The following CNBD1 variants were observed in gnomAD, a reference collection of about 807,000 sequenced individuals.
CNBD1 encodes cyclic nucleotide binding domain containing 1, also known as cyclic nucleotide-binding domain-containing protein 1.
Under a neutral mutation model 54.4 loss-of-function variants are expected in CNBD1, and 71 were observed. The ratio of observed to expected loss-of-function variants is 1.30; its 90% CI spans 1.08 to 1.59. CNBD1 has a LOEUF of 1.59. Ranked by LOEUF, CNBD1 falls within the 40% of genes most tolerant of loss-of-function variation. The pLI is 0.00. For missense variants in CNBD1, 659 were observed against 518.0 expected (o/e 1.27, Z -2.64); for synonymous variants, 182 against 170.7 (o/e 1.07, Z -0.51).
chr8:87,282,274 C>A (rs1048760462), intron 6 of CNBD1, among the ~76,000 whole-genome samples: 10 of 151,718 alleles, frequency 6.6e-5, no homozygotes, highest in African/African-American at 2.2e-4. Flanking sequence ...CAATTTAAAT[C>A]TCTCTTATTT....
chr8:86,881,717 T>C (rs1177014304), intron 1 of CNBD1, among the ~76,000 whole-genome samples: 1 of 152,116 alleles, frequency 6.6e-6, no homozygotes, highest in East Asian at 1.9e-4. Context: ...CAGGCAATCT[T>C]AAGCAAAAAG....
chr8:87,330,755 G>C (rs369730816), intron 8 of CNBD1, among the ~76,000 whole-genome samples: 1 of 152,130 alleles, frequency 6.6e-6, no homozygotes, highest in Non-Finnish European at 1.5e-5. Flanking sequence ...TATGTATGCT[G>C]CTGTTAATGG....
intron 5 of CNBD1, among the ~76,000 whole-genome samples, chr8:87,217,424 C>T (rs1814235590): frequency 6.6e-6 from 1 of 151,876 alleles, no homozygotes; most frequent in Non-Finnish European, 1.5e-5. Context: ...TGTGGTATGA[C>T]TTAATATTAG....
chr8:87,051,325 C>T (rs966030742), intron 4 of CNBD1, among the ~76,000 whole-genome samples: 1 of 152,130 alleles, frequency 6.6e-6, no homozygotes, highest in African/African-American at 2.4e-5. Flanking sequence ...CCAGAATCAC[C>T]CAGGGCTCCT....
intron 4 of CNBD1, among the ~76,000 whole-genome samples, chr8:87,106,089 A>G (rs748703110): frequency 5.3e-5 from 8 of 151,804 alleles, no homozygotes; most frequent in Non-Finnish European, 1.0e-4. Flanking sequence ...AGTGATTTCT[A>G]CTTTTAGTAT....
At chr8:86,942,924 T>C (rs1021511440) in intron 4 of CNBD1, among the ~76,000 whole-genome samples, 1 of 152,228 alleles carries the variant, frequency 6.6e-6, no homozygotes, top group Non-Finnish European at 1.5e-5. Context: ...CTGTGGCCTT[T>C]TGTTTATCTC....
intron 4 of CNBD1, among the ~76,000 whole-genome samples, chr8:87,113,694 C>T (rs530528982): frequency 2.4e-4 from 36 of 152,010 alleles, no homozygotes; most frequent in Non-Finnish European, 4.3e-4. Context: ...CCCAGGCGGG[C>T]GGATCATGAG....
intron 4 of CNBD1, among the ~76,000 whole-genome samples, chr8:87,001,239 G>A (rs1242344722): frequency 6.6e-6 from 1 of 151,980 alleles, no homozygotes; most frequent in Non-Finnish European, 1.5e-5. Context: ...TCTTAGGTCT[G>A]CAGTGTCTCC....
intron 4 of CNBD1, among the ~76,000 whole-genome samples, chr8:87,010,990 G>T (rs1486906703): frequency 6.6e-6 from 1 of 152,052 alleles, no homozygotes; most frequent in Non-Finnish European, 1.5e-5. Flanking sequence ...CTGGATGATG[G>T]TATCTTCCTT....
rs116590039 is a variant in CNBD1, at chr8:87,033,244, C to T, written c.431+93490C>T. On this transcript the variant is annotated intron_variant, in intron 4 of 10. Transcript: ENST00000518476. ...AGTACCATGTGTAATAAGCCTTAAA[C>T]GTCCTGATGAGCCCCTTGATCTAAA... Among the ~76,000 whole-genome samples the T allele has an allele frequency of 9.8e-3, 1,490 of 152,208 alleles. 27 individuals are homozygous for T. The highest frequency in any genetic ancestry group is 0.034 in the African/African-American group (1,412 of 41,520).
chr8:86,935,312 A>C (rs1238128610), intron 3 of CNBD1, among the ~76,000 whole-genome samples: 2 of 152,214 alleles, frequency 1.3e-5, no homozygotes, highest in Non-Finnish European at 2.9e-5. Flanking sequence ...CTGGGATTAC[A>C]GGCATGAGCC....
chr8:86,982,900 C>T (rs113714414), intron 4 of CNBD1, among the ~76,000 whole-genome samples: 20 of 152,228 alleles, frequency 1.3e-4, no homozygotes, highest in Admixed American at 3.9e-4. Flanking sequence ...CAAAGCTAAT[C>T]CATTAGCATA....
intron 2 of CNBD1, among the ~76,000 whole-genome samples, chr8:87,404,358 TG>T (rs1807618766): frequency 6.6e-6 from 1 of 152,092 alleles, no homozygotes; most frequent in Admixed American, 6.6e-5. Context: ...GTTGGTGCTT[TG>T]ATACTTAAAA....
At chr8:87,379,411 A>T (rs979040937) in intron 10 of CNBD1, among the ~76,000 whole-genome samples, 4 of 151,880 alleles carry the variant, frequency 2.6e-5, no homozygotes, top group African/African-American at 7.3e-5. Flanking sequence ...TCTCCACCCC[A>T]AATCAACAAA....
chr8:87,384,180 T>G (rs2130962539), downstream of CNBD1, among the ~76,000 whole-genome samples: 1 of 152,234 alleles, frequency 6.6e-6, no homozygotes, highest in South Asian at 2.1e-4. Flanking sequence ...CATGCACCAT[T>G]ATCTAATGGA....
At chr8:86,889,431 C>T (rs1162607219) in intron 2 of CNBD1, among the ~76,000 whole-genome samples, 1 of 151,986 alleles carries the variant, frequency 6.6e-6, no homozygotes, top group East Asian at 1.9e-4. Context: ...TGTATTTCTC[C>T]ATATTATTAG....
At chr8:86,959,722 A>G (rs528488512) in intron 4 of CNBD1, among the ~76,000 whole-genome samples, 6 of 152,078 alleles carry the variant, frequency 3.9e-5, no homozygotes, top group African/African-American at 1.4e-4. Flanking sequence ...GGTCTTCTCT[A>G]TGCTGTTTAT....
chr8:87,422,533 C>A (rs1354238650), intron 2 of CNBD1, among the ~76,000 whole-genome samples: 2 of 152,092 alleles, frequency 1.3e-5, no homozygotes, highest in East Asian at 1.9e-4. Context: ...AATAGGGAAT[C>A]CTTTCCCCAT....
At chr8:87,366,267 G>A (rs1199352700) in intron 10 of CNBD1, among the ~76,000 whole-genome samples, 1 of 151,946 alleles carries the variant, frequency 6.6e-6, no homozygotes, top group Non-Finnish European at 1.5e-5. Context: ...TCTAATTTTA[G>A]GGCTGTGGAG....
Sources: gnomAD v4.1 joint callset for allele counts (sites outside exome capture counted in the v4.1 genomes callset) on GRCh38, gnomAD v4.1.1 for gene constraint, MANE v1.5 for transcripts, NCBI Gene and HGNC (gene_info 2026-07-23, HGNC 2026-07-21) for gene names.